CTIF: variants seen among roughly 807,000 people sequenced by gnomAD.
CTIF encodes cap binding complex dependent translation initiation factor.
CTIF carries 21 observed loss-of-function variants against 66.0 expected under a neutral mutation model. The ratio of observed to expected loss-of-function variants is 0.32; its 90% CI spans 0.23 to 0.46. The LOEUF is 0.46. CTIF is among the 20% of genes least tolerant of loss of function. The pLI, the probability that CTIF is intolerant of heterozygous loss-of-function variation, is 1.00. For missense variants in CTIF, 739 were observed against 812.7 expected (o/e 0.91, Z 1.10); for synonymous variants, 345 against 326.4 (o/e 1.06, Z -0.62).
rs528682887 is a variant in CTIF, at chr18:48,755,288, G to A, written c.585-2631G>A. 5.3e-5 allele frequency among the ~76,000 whole-genome samples: 8 copies of A among 152,340 alleles called. No homozygotes were observed. The East Asian group carries it at 1.5e-3, about 29-fold the overall frequency. On this transcript the variant is annotated intron_variant, in intron 7 of 11. Coordinates refer to ENST00000256413, the MANE Select transcript of CTIF (RefSeq NM_014772.3). Reference sequence around the variant, plus strand: ...AGTAACTGAGAAGTTAAAGGAGGGAGAATTCACAAAAAGTCACAGGCACGA... The same window carrying A: ...AGTAACTGAGAAGTTAAAGGAGGGAAAATTCACAAAAAGTCACAGGCACGA...
chr18:48,581,201 G>GT (rs927112961), intron 1 of CTIF, among the ~76,000 whole-genome samples: 94 of 150,140 alleles, frequency 6.3e-4, no homozygotes, highest in African/African-American at 1.5e-3. Flanking sequence ...TGAGTTTGAT[G>GT]TTTTTTTTTG....
At chr18:48,558,048 TTTTTC>T (rs750369299) in intron 1 of CTIF, among the ~76,000 whole-genome samples, 6 of 152,246 alleles carry the variant, frequency 3.9e-5, no homozygotes, top group South Asian at 4.1e-4. Context: ...ATTCCCTTTC[TTTTTC>T]TTTTCTTTTC....
intron 1 of CTIF, among the ~76,000 whole-genome samples, chr18:48,601,201 C>T (rs2090083948): frequency 1.3e-5 from 2 of 152,142 alleles, no homozygotes. Context: ...AGGACCTGAT[C>T]GTGTTAATCT....
chr18:48,714,438 C>T (rs1306616567), intron 7 of CTIF, among the ~76,000 whole-genome samples: 2 of 152,164 alleles, frequency 1.3e-5, no homozygotes, highest in Non-Finnish European at 2.9e-5. Flanking sequence ...TGGTGGCTCT[C>T]CTTGGAATGG....
chr18:48,805,590 G>A (rs1323437070), intron 9 of CTIF, among the ~76,000 whole-genome samples: 2 of 152,074 alleles, frequency 1.3e-5, no homozygotes, highest in African/African-American at 2.4e-5. Flanking sequence ...GCAACCCTGG[G>A]AAGGGGGAAA....
At chr18:48,727,121 T>C (rs1402596196) in intron 7 of CTIF, among the ~76,000 whole-genome samples, 3 of 149,284 alleles carry the variant, frequency 2.0e-5, no homozygotes, top group Non-Finnish European at 4.4e-5. Flanking sequence ...CAACATACAA[T>C]TGTGGGACAG....
intron 1 of CTIF, among the ~76,000 whole-genome samples, chr18:48,562,467 C>T (rs1388119978): frequency 6.6e-6 from 1 of 152,212 alleles, no homozygotes; most frequent in Non-Finnish European, 1.5e-5. Context: ...GCCCCACTAA[C>T]TAGAACTGAT....
intron 6 of CTIF, among the ~76,000 whole-genome samples, chr18:48,698,217 C>T (rs1256697576): frequency 7.7e-6 from 1 of 130,658 alleles, no homozygotes; most frequent in African/African-American, 2.8e-5. Context: ...GAGAAAATGA[C>T]AAAATGCTGC....
chr18:48,549,547 G>T (rs896577156), intron 1 of CTIF, among the ~76,000 whole-genome samples: 33 of 152,150 alleles, frequency 2.2e-4, no homozygotes, highest in Non-Finnish European at 4.9e-4. Context: ...CAGCACATTG[G>T]CCTTTGTTCT....
chr18:48,547,815 G>C (rs1281932843), intron 1 of CTIF, among the ~76,000 whole-genome samples: 1 of 152,206 alleles, frequency 6.6e-6, no homozygotes, highest in Admixed American at 6.5e-5. Context: ...TAGCTGAGCC[G>C]GCTGCATAGG....
intron 1 of CTIF, among the ~76,000 whole-genome samples, chr18:48,590,889 C>T (rs1197054705): frequency 6.6e-6 from 1 of 152,088 alleles, no homozygotes; most frequent in Non-Finnish European, 1.5e-5. Context: ...AGTCCTCTCC[C>T]AGAGGAACTT....
In CTIF at chr18:48,702,796, GCT is replaced by G. The variant is rs1437581260; in HGVS notation, c.508-8822_508-8821del. Among the ~76,000 whole-genome samples, 4 of 152,238 alleles carry G rather than the reference GCT, an allele frequency of 2.6e-5. No individual in the cohort carries two copies. In the East Asian group the frequency reaches 5.8e-4, roughly 22 times the overall value. On this transcript the variant is annotated intron_variant, in intron 6 of 11. Transcript: ENST00000256413. ...TGAATCAGGTCAACTTCTCTGAATAGCTGTGCAGCCTAGAGATTCCAGGAATT... is the reference window on the plus strand; with the variant it reads ...TGAATCAGGTCAACTTCTCTGAATAGGTGCAGCCTAGAGATTCCAGGAATT...
intron 9 of CTIF, among the ~76,000 whole-genome samples, chr18:48,799,115 T>C (rs761869437): frequency 2.0e-5 from 3 of 152,140 alleles, no homozygotes; most frequent in South Asian, 2.1e-4. Flanking sequence ...GTTCAGAAAG[T>C]CTTACTGAGC....
At chr18:48,613,440 A>G (rs1296093812) in intron 1 of CTIF, among the ~76,000 whole-genome samples, 1 of 152,062 alleles carries the variant, frequency 6.6e-6, no homozygotes, top group Non-Finnish European at 1.5e-5. Flanking sequence ...CTGGGCTGAG[A>G]GCAGCAAGGG....
At chr18:48,561,260 T>C (rs1348221870) in intron 1 of CTIF, among the ~76,000 whole-genome samples, 1 of 129,344 alleles carries the variant, frequency 7.7e-6, no homozygotes, top group Non-Finnish European at 1.6e-5. Flanking sequence ...AAAAAAGGAG[T>C]GTTTATAAAA....
chr18:48,597,354 AG>A, intron 1 of CTIF, among the ~76,000 whole-genome samples: 1 of 152,212 alleles, frequency 6.6e-6, no homozygotes, highest in Non-Finnish European at 1.5e-5. Context: ...TGGGACTTGA[AG>A]GGTAGTGATA....
intron 9 of CTIF, among the ~76,000 whole-genome samples, chr18:48,807,668 C>G (rs2068178299): frequency 6.6e-6 from 1 of 151,646 alleles, no homozygotes; most frequent in Non-Finnish European, 1.5e-5. Flanking sequence ...GCAACTTCCA[C>G]CTCCAGGTGC....
intron 9 of CTIF, among the ~76,000 whole-genome samples, chr18:48,772,278 G>T (rs1910221343): frequency 6.6e-6 from 1 of 152,140 alleles, no homozygotes; most frequent in Non-Finnish European, 1.5e-5. Context: ...CTTTGTTACT[G>T]TTTTTCTTTT....
At chr18:48,665,667 A>G (rs891153659) in intron 5 of CTIF, among the ~76,000 whole-genome samples, 1 of 152,094 alleles carries the variant, frequency 6.6e-6, no homozygotes, top group African/African-American at 2.4e-5. Flanking sequence ...CCTGGCAACC[A>G]CCAATCTGCT....
Sources: allele counts gnomAD v4.1 joint callset (sites outside exome capture counted in the v4.1 genomes callset), GRCh38; gene constraint gnomAD v4.1.1; transcripts MANE v1.5; gene names NCBI Gene and HGNC (gene_info 2026-07-23, HGNC 2026-07-21).